PCDHGB1: variants seen among roughly 807,000 people sequenced by gnomAD.
PCDHGB1 encodes protocadherin gamma-B1.
PCDHGB1 carries 34 observed loss-of-function variants against 56.6 expected under a neutral mutation model. The observed-to-expected ratio is 0.60, with a 90% CI of 0.46 to 0.80. The LOEUF (loss-of-function observed/expected upper bound fraction) is 0.80. Among genes scored for constraint, PCDHGB1 ranks in the 30% least tolerant of loss-of-function variants. PCDHGB1 has a pLI of 0.00. For missense variants in PCDHGB1, 1,278 were observed against 1,204.6 expected, an observed-to-expected ratio of 1.06 and a Z score of -0.90; for synonymous variants, 561 against 505.9, an observed-to-expected ratio of 1.11 and a Z score of -1.46.
At chr5:141,495,095 G>C (rs67264863) in intron 2 of PCDHGB1, among the ~76,000 whole-genome samples, 9,751 of 152,126 alleles carry the variant, frequency 0.064, 363 homozygotes, top group South Asian at 0.11. Context: ...TTCCCTCCTC[G>C]CCACGACCGG....
rs2099621975 is a variant in PCDHGB1 at position 141,485,946 on chromosome 5, G to A, written c.2410-8861G>A. ...AGTGTGTTGGAGAGCGCACCAGCGG[G>A]CATGGTGCTCATCCAGCTCAATGCC... On this transcript the variant is annotated intron_variant, in intron 1 of 3. Transcript: ENST00000523390. This position sits in a 1 kb window ranked among gnomAD's most constrained non-coding sequence, Gnocchi z 5.7. The A allele has an allele frequency of 1.2e-6, 2 of 1,614,040 alleles. No homozygotes were observed. The highest frequency in any genetic ancestry group is 2.2e-5 in the East Asian group (1 of 44,884).
intron 1 of PCDHGB1, among the ~76,000 whole-genome samples, chr5:141,483,778 G>T (rs1012545478): frequency 1.6e-4 from 24 of 152,222 alleles, no homozygotes; most frequent in African/African-American, 5.8e-4. Context: ...ATTGGGGAAG[G>T]ATAAGAACTC....
rs1408938686 is a variant in PCDHGB1 at position 141,398,777 on chromosome 5, G to A, written c.2409+46108G>A. On this transcript the variant is annotated intron_variant, in intron 1 of 3. Transcript: ENST00000523390. ...CGTTTAGTCCTGACTGCCTTGGACG[G>A]TGGACATCCACCCCTAAGCGGCACC... is the stretch of plus-strand genomic sequence containing the variant. The A allele has an allele frequency of 3.1e-6, 5 of 1,613,902 alleles. 1 individual carries two copies. The South Asian group carries it at 3.3e-5, about 11-fold the overall frequency.
At chr5:141,354,253 T>G (rs929427667) in intron 1 of PCDHGB1, among the ~76,000 whole-genome samples, 2 of 152,350 alleles carry the variant, frequency 1.3e-5, no homozygotes, top group East Asian at 1.9e-4. Context: ...ATTTACCCAT[T>G]GTTTTAGGCT....
chr5:141,414,635 A>G (rs753834653), intron 1 of PCDHGB1: 72 of 1,613,866 alleles, frequency 4.5e-5, no homozygotes, highest in Admixed American at 2.0e-4. Flanking sequence ...GACAGCAAAG[A>G]GAATGCCCAG....
At position 141,409,826 on chromosome 5, in the gene PCDHGB1, C is replaced by T. The variant is rs565116840; in HGVS notation, c.2409+57157C>T. 14 of 1,611,108 alleles carry T rather than the reference C, an allele frequency of 8.7e-6. No homozygotes were observed. The highest frequency in any genetic ancestry group is 1.3e-5 in the African/African-American group (1 of 75,000). On this transcript the variant is annotated intron_variant, in intron 1 of 3. Coordinates refer to ENST00000523390, the MANE Select transcript of PCDHGB1 (RefSeq NM_018922.3). ...GGCCCGCGACCACGGCTCGCCCACG[C>T]TCAGCGCCAACGTGAGCCTGCGCGT...
chr5:141,432,191 G>C lies in PCDHGB1; in HGVS notation c.2410-62616G>C. 2.5e-6 allele frequency: 4 copies of C among 1,614,110 alleles called. No individual in the cohort carries two copies. Among genetic ancestry groups the C allele is most frequent in the Non-Finnish European group, 3.4e-6 (4 of 1,180,026 alleles). On this transcript the variant is annotated intron_variant, in intron 1 of 3. Coordinates refer to ENST00000523390, the MANE Select transcript of PCDHGB1 (RefSeq NM_018922.3). The surrounding 1 kb of genome is among the most constrained non-coding windows in gnomAD (Gnocchi z 6.0). ...TTCCCTCGTCTCTGTGACCGCCCAC[G>C]ACCCCGACTGTGAAGAGAACGCCCA... is the stretch of plus-strand genomic sequence containing the variant.
In PCDHGB1 at chr5:141,496,208, G is replaced by T. The variant is rs530974273; in HGVS notation, c.2468+1343G>T. On this transcript the variant is annotated intron_variant, in intron 2 of 3. Coordinates refer to ENST00000523390, the MANE Select transcript of PCDHGB1 (RefSeq NM_018922.3). Reference sequence around the variant, plus strand: ...CCAGCTGCTCATTTCAATCTGGTATGAATTCCTGCTGAGACAGGAACCCCC... The same window carrying T: ...CCAGCTGCTCATTTCAATCTGGTATTAATTCCTGCTGAGACAGGAACCCCC... Among the ~76,000 whole-genome samples, 13 of 152,222 alleles carry T rather than the reference G, an allele frequency of 8.5e-5. No homozygotes were observed. In the East Asian group the frequency reaches 2.3e-3, roughly 27 times the overall value.
chr5:141,478,293 T>C (rs2099444312), intron 1 of PCDHGB1: 2 of 1,614,026 alleles, frequency 1.2e-6, no homozygotes. Context: ...TCTAGAGACC[T>C]ATACCGAGCC....
chr5:141,418,330 A>C (rs1346623372), intron 1 of PCDHGB1: 2 of 1,613,922 alleles, frequency 1.2e-6, no homozygotes, highest in Admixed American at 1.7e-5. Flanking sequence ...TTGAGTCTGC[A>C]GAAGATCCTG....
chr5:141,365,053 G>A, intron 1 of PCDHGB1: 1 of 1,613,802 alleles, frequency 6.2e-7, no homozygotes, highest in African/African-American at 1.3e-5. Flanking sequence ...ATGCGCCCCT[G>A]TTCACCCCAT....
intron 1 of PCDHGB1, chr5:141,387,746 C>T (rs1051013306): frequency 1.5e-6 from 2 of 1,365,936 alleles, no homozygotes; most frequent in Non-Finnish European, 9.8e-7. Flanking sequence ...ACACCGCTTC[C>T]TCCTCGGAAA....
chr5:141,357,273 C>CT (rs1760531497), intron 1 of PCDHGB1: 1 of 1,613,734 alleles, frequency 6.2e-7, no homozygotes, highest in South Asian at 1.1e-5. Flanking sequence ...GCCTCACACT[C>CT]TATCTCGTGG....
chr5:141,494,807 C>A lies in PCDHGB1; in HGVS notation c.2410C>A (p.Gln804Lys), dbSNP rs568448786. Residue 804 changes from glutamine to lysine, a missense_variant and splice_region_variant, in exon 2 of 4, where the codon CAA (glutamine) becomes AAA (lysine). Coordinates refer to ENST00000523390, the MANE Select transcript of PCDHGB1 (RefSeq NM_018922.3). ...CCCTTTCCCTCTGTTTTCTCCACAGCAAGCCCCGCCCAACACGGACTGGCG... is the reference window on the plus strand; with the variant it reads ...CCCTTTCCCTCTGTTTTCTCCACAGAAAGCCCCGCCCAACACGGACTGGCG... ...IAYDPSLSSH[Q>K]APPNTDWRFS... The A allele has an allele frequency of 2.5e-5, 40 of 1,614,144 alleles. No individual in the cohort carries two copies. The South Asian group carries it at 4.0e-4, about 16-fold the overall frequency.
chr5:141,422,115 T>C, intron 1 of PCDHGB1: 1 of 1,605,004 alleles, frequency 6.2e-7, no homozygotes, highest in South Asian at 1.1e-5. Context: ...TCCAATTGGA[T>C]TCACAAACTG....
intron 1 of PCDHGB1, among the ~76,000 whole-genome samples, chr5:141,454,836 C>T (rs1201514890): frequency 1.3e-4 from 11 of 85,100 alleles, no homozygotes; most frequent in African/African-American, 2.1e-4. Context: ...GAGACAGAGT[C>T]GCGCTCTGTC....
Position 141,431,033 on chromosome 5 carries a change from C to G in PCDHGB1, c.2410-63774C>G, listed in dbSNP as rs1006751011. ...CTTGGTCACGGCGGGCAGGATAGAC[C>G]GGGAGGAGCTCTGTATGGGGGCCAT... On this transcript the variant is annotated intron_variant, in intron 1 of 3. Coordinates refer to ENST00000523390, the MANE Select transcript of PCDHGB1 (RefSeq NM_018922.3). This position sits in a 1 kb window ranked among gnomAD's most constrained non-coding sequence, Gnocchi z 4.8. 1.2e-6 allele frequency: 2 copies of G among 1,613,980 alleles called. No individual in the cohort carries two copies. Among genetic ancestry groups the G allele is most frequent in the Admixed American group, 3.3e-5 (2 of 60,024 alleles).
intron 1 of PCDHGB1, chr5:141,383,115 G>T: frequency 6.2e-7 from 1 of 1,614,078 alleles, no homozygotes; most frequent in Non-Finnish European, 8.5e-7. Flanking sequence ...GAGGTAGGAC[G>T]CAGCTTTTCG....
chr5:141,402,785 CG>C, intron 1 of PCDHGB1: 1 of 904,572 alleles, frequency 1.1e-6, no homozygotes, highest in South Asian at 2.1e-5. Context: ...TCCAGTTCTG[CG>C]GCTACACAAA....
Sources: gnomAD v4.1 joint callset for allele counts (sites outside exome capture counted in the v4.1 genomes callset) on GRCh38, gnomAD v4.1.1 for gene constraint, Gnocchi (gnomAD v3.1) non-coding constraint, MANE v1.5 for transcripts, NCBI Gene and HGNC (gene_info 2026-07-23, HGNC 2026-07-21) for gene names.